Variants in RBFOX1 observed in about 807,000 individuals in gnomAD.
The protein encoded by RBFOX1 is RNA binding protein fox-1 homolog 1.
A neutral mutation model predicts 57.7 loss-of-function variants in RBFOX1; 8 were observed. The ratio of observed to expected loss-of-function variants is 0.14; its 90% CI spans 0.08 to 0.25. RBFOX1 has a LOEUF of 0.25. Ranked by LOEUF, RBFOX1 falls within the 10% of genes least tolerant of loss-of-function variation. The pLI, the probability that RBFOX1 is intolerant of heterozygous loss-of-function variation, is 1.00. For missense variants in RBFOX1, 611 were observed against 548.5 expected (o/e 1.11, Z -1.14); for synonymous variants, 326 against 222.4 (o/e 1.47, Z -4.15).
chr16:6,521,792 A>C (rs2096504850), intron 2 of RBFOX1, among the ~76,000 whole-genome samples: 1 of 152,110 alleles, frequency 6.6e-6, no homozygotes, highest in South Asian at 2.1e-4. Flanking sequence ...TACAACTGTG[A>C]TTCTTAAAGC....
At chr16:6,277,211 A>G (rs976362992) in intron 1 of RBFOX1, among the ~76,000 whole-genome samples, 1 of 152,158 alleles carries the variant, frequency 6.6e-6, no homozygotes, top group African/African-American at 2.4e-5. Context: ...CTGTAATCCC[A>G]GCACTTTGAG....
At position 7,033,290 on chromosome 16, in the gene RBFOX1, C is replaced by CGG. The variant is rs535524628; in HGVS notation, c.-15-18765_-15-18764dup. Among the ~76,000 whole-genome samples the CGG allele has an allele frequency of 3.7e-4, 57 of 152,262 alleles. No homozygotes were observed. In the East Asian group the frequency reaches 7.0e-3, roughly 19 times the overall value. On this transcript the variant is annotated intron_variant, in intron 3 of 15. Coordinates refer to ENST00000550418, the MANE Select transcript of RBFOX1 (RefSeq NM_018723.4). ...ATCCTAGAACTTTGGGAGGCCGAGG[C>CGG]GGGCAGATCACCCGAGGCCAGGAGT...
chr16:6,618,550 C>T (rs1310305627), intron 2 of RBFOX1, among the ~76,000 whole-genome samples: 1 of 152,160 alleles, frequency 6.6e-6, no homozygotes, highest in African/African-American at 2.4e-5. Context: ...ATAAAAGTCT[C>T]TGGAACAAAT....
chr16:7,440,394 G>C (rs1030246180), intron 4 of RBFOX1, among the ~76,000 whole-genome samples: 4 of 152,080 alleles, frequency 2.6e-5, no homozygotes, highest in African/African-American at 9.7e-5. Flanking sequence ...AATGAATATG[G>C]TGATTTCAGA....
chr16:6,528,964 A>G (rs1214649890), intron 2 of RBFOX1, among the ~76,000 whole-genome samples: 1 of 152,140 alleles, frequency 6.6e-6, no homozygotes, highest in Non-Finnish European at 1.5e-5. Context: ...AACATTATCA[A>G]TTTCTATTTC....
chr16:6,960,672 C>A (rs1225558333), intron 3 of RBFOX1, among the ~76,000 whole-genome samples: 1 of 152,018 alleles, frequency 6.6e-6, no homozygotes, highest in African/African-American at 2.4e-5. Context: ...CATACTCTTG[C>A]AGGACCAGCA....
intron 2 of RBFOX1, among the ~76,000 whole-genome samples, chr16:6,362,644 C>G (rs9926085): frequency 6.6e-6 from 1 of 152,144 alleles, no homozygotes; most frequent in South Asian, 2.1e-4. Flanking sequence ...TAGACTGATA[C>G]TAGAATCCTG....
rs147890252 is a variant in RBFOX1 at position 5,529,623 on chromosome 16, A to G, written c.258+62369A>G. Among the ~76,000 whole-genome samples the G allele has an allele frequency of 9.3e-5, 14 of 150,912 alleles. No individual in the cohort carries two copies. The Middle Eastern group carries it at 0.01, about 110-fold the overall frequency. On this transcript the variant is annotated intron_variant, in intron 2 of 2. Coordinates refer to the RBFOX1 transcript ENST00000585867. ...CTCTTGTTGCTCAAGCTGGAGTGCA[A>G]TGGTGCAATTTTGGCTCACTGCAAT...
At chr16:5,243,142 G>C (rs886736966) in intron 1 of RBFOX1, among the ~76,000 whole-genome samples, 4 of 152,076 alleles carry the variant, frequency 2.6e-5, no homozygotes, top group African/African-American at 9.7e-5. Context: ...ATGATCCCAG[G>C]GTGTGTCTGA....
intron 3 of RBFOX1, among the ~76,000 whole-genome samples, chr16:6,779,499 A>G (rs1021242143): frequency 7.9e-5 from 12 of 151,338 alleles, no homozygotes; most frequent in African/African-American, 2.9e-4. Context: ...TATCTCTTCT[A>G]TACACTAACT....
At chr16:7,437,686 C>G (rs2098733903) in intron 4 of RBFOX1, among the ~76,000 whole-genome samples, 1 of 152,102 alleles carries the variant, frequency 6.6e-6, no homozygotes, top group Non-Finnish European at 1.5e-5. Context: ...GCAAAGCTGC[C>G]TTCTAAATAT....
intron 4 of RBFOX1, among the ~76,000 whole-genome samples, chr16:7,255,245 T>G: frequency 6.6e-6 from 1 of 152,292 alleles, no homozygotes; most frequent in African/African-American, 2.4e-5. Flanking sequence ...TGAGACTTAA[T>G]AGGAACCAAA....
At chr16:6,178,333 C>T (rs112807955) in intron 1 of RBFOX1, among the ~76,000 whole-genome samples, 7 of 151,644 alleles carry the variant, frequency 4.6e-5, no homozygotes, top group East Asian at 1.9e-4. Context: ...ATTACAGGCA[C>T]GCGCCACCAT....
At chr16:6,032,978 A>G (rs1225675961) in intron 1 of RBFOX1, among the ~76,000 whole-genome samples, 2 of 150,730 alleles carry the variant, frequency 1.3e-5, no homozygotes, top group African/African-American at 4.9e-5. Flanking sequence ...TGGCTCTGCT[A>G]ATTGATAACA....
At chr16:6,748,536 T>C (rs1324382115) in intron 3 of RBFOX1, among the ~76,000 whole-genome samples, 1 of 152,090 alleles carries the variant, frequency 6.6e-6, no homozygotes, top group Non-Finnish European at 1.5e-5. Flanking sequence ...CATGATGGCA[T>C]GCATTTGTAG....
chr16:5,260,228 A>G (rs1358974114), intron 1 of RBFOX1, among the ~76,000 whole-genome samples: 1 of 152,194 alleles, frequency 6.6e-6, no homozygotes, highest in African/African-American at 2.4e-5. Context: ...AAATATTAAT[A>G]TGAAGGACAT....
intron 1 of RBFOX1, among the ~76,000 whole-genome samples, chr16:5,453,436 G>T (rs1360332191): frequency 6.6e-6 from 1 of 152,164 alleles, no homozygotes; most frequent in Non-Finnish European, 1.5e-5. Context: ...ATCACATACT[G>T]TAGAAGGATA....
intron 1 of RBFOX1, among the ~76,000 whole-genome samples, chr16:5,437,159 G>A (rs1316613322): frequency 6.6e-6 from 1 of 152,118 alleles, no homozygotes; most frequent in Non-Finnish European, 1.5e-5. Flanking sequence ...GAATTCTGAG[G>A]TGACAAAAGG....
intron 1 of RBFOX1, among the ~76,000 whole-genome samples, chr16:6,316,766 T>C (rs2081171927): frequency 6.6e-6 from 1 of 152,148 alleles, no homozygotes; most frequent in African/African-American, 2.4e-5. Flanking sequence ...TCTTCTGAAA[T>C]AGAGAAGATA....
Sources: gnomAD v4.1 joint callset for allele counts (sites outside exome capture counted in the v4.1 genomes callset) on GRCh38, gnomAD v4.1.1 for gene constraint, MANE v1.5 for transcripts, NCBI Gene and HGNC (gene_info 2026-07-23, HGNC 2026-07-21) for gene names.